BPNT2: variants seen among roughly 807,000 people sequenced by gnomAD.
BPNT2 encodes the protein Golgi-resident adenosine 3',5'-bisphosphate 3'-phosphatase.
In BPNT2, 11 loss-of-function variants were observed where a neutral mutation model predicts 29.3. That is an observed-to-expected ratio of 0.38 (90% CI 0.24 to 0.62). The LOEUF (loss-of-function observed/expected upper bound fraction) is 0.62. BPNT2 is among the 20% of genes least tolerant of loss of function. BPNT2 has a pLI of 0.62. For synonymous variants in BPNT2, 195 were observed against 187.7 expected (o/e 1.04, Z -0.32); for missense variants, 459 against 473.4 (o/e 0.97, Z 0.28).
At chr8:56,984,327 G>A (rs1366729111) in intron 1 of BPNT2, among the ~76,000 whole-genome samples, 3 of 152,158 alleles carry the variant, frequency 2.0e-5, no homozygotes, top group Admixed American at 6.5e-5. Flanking sequence ...ATAACCGGCC[G>A]CAACCACTAC....
rs372306148 is a variant in BPNT2 at position 56,966,243 on chromosome 8, G to T, written c.756C>A (p.Val252=). 1.3e-5 allele frequency: 21 copies of T among 1,613,990 alleles called. No individual in the cohort carries two copies. Among genetic ancestry groups the T allele is most frequent in the Non-Finnish European group, 1.8e-5 (21 of 1,179,992 alleles). ...TCTGGTTTCCAAAAGTCTGAAGAGC[G>T]ACCTGTTTGACCATCCCTGAATGGG... ...SRSHSGMVKQ[V]ALQTFGNQTT... is the part of the protein sequence containing the mutation. The change falls in exon 4 of 5, where the codon GTC becomes GTA. Residue 252 remains valine (V), a synonymous_variant. Transcript: ENST00000262644.
At chr8:56,965,673 T>A (rs932201445) in intron 4 of BPNT2, among the ~76,000 whole-genome samples, 2 of 152,216 alleles carry the variant, frequency 1.3e-5, no homozygotes, top group African/African-American at 4.8e-5. Flanking sequence ...CTAGGTTGAC[T>A]ATAATACAAT....
At position 56,993,098 on chromosome 8, in the gene BPNT2, T is replaced by C. The variant is rs972597312; in HGVS notation, c.387+101A>G. The C allele has an allele frequency of 3.3e-5, 50 of 1,527,900 alleles. No individual in the cohort carries two copies. The African/African-American group carries it at 6.6e-4, about 20-fold the overall frequency. The allele number at this position is 1,527,900 out of a possible 1,614,324, so 94.6% of individuals were successfully genotyped here. A position where few individuals can be genotyped will look rare whatever the true frequency, so the allele number is the denominator to read the frequency against. On this transcript the variant is annotated intron_variant, in intron 1 of 4. Coordinates refer to ENST00000262644, the MANE Select transcript of BPNT2 (RefSeq NM_017813.5). ...ACTTCTGCGTCTCAATTTCCACATCTACAAAATGGAACCAGAAGCTCCACA... is the reference window on the plus strand; with the variant it reads ...ACTTCTGCGTCTCAATTTCCACATCCACAAAATGGAACCAGAAGCTCCACA...
intron 1 of BPNT2, among the ~76,000 whole-genome samples, chr8:56,985,466 C>T (rs895915565): frequency 6.6e-6 from 1 of 152,116 alleles, no homozygotes; most frequent in African/African-American, 2.4e-5. Context: ...ATCCCTGCCC[C>T]CTCCCGACAC....
intron 2 of BPNT2, among the ~76,000 whole-genome samples, chr8:56,979,384 G>A (rs1806202398): frequency 6.6e-6 from 1 of 152,086 alleles, no homozygotes; most frequent in Non-Finnish European, 1.5e-5. Flanking sequence ...CAAATTTCTC[G>A]ATATTCCATA....
rs574570055 is a variant in BPNT2, at chr8:56,992,295, A to G, written c.387+904T>C. Among the ~76,000 whole-genome samples the G allele has an allele frequency of 7.2e-5, 11 of 152,332 alleles. No individual in the cohort carries two copies. In the East Asian group the frequency reaches 1.4e-3, roughly 19 times the overall value. On this transcript the variant is annotated intron_variant, in intron 1 of 4. Coordinates refer to ENST00000262644, the MANE Select transcript of BPNT2 (RefSeq NM_017813.5). ...CTTCCCAGTAGCCAAAACTACAGTT[A>G]GGTGAGTTAAGATATACGTTAATAA...
Position 56,964,024 on chromosome 8 carries a change from ACT to A in BPNT2, c.847_848del (p.Gln284ArgfsTer4), listed in dbSNP as rs1805894822. ...VLALLDVPDK[S>X]QEKADLYIHV... The stretch of plus-strand genomic sequence containing the variant: ...GGATGTATAAATCAGCTTTTTCTTG[ACT>A]CTTATCAGGCACATCCAAAAGTGCT... On this transcript the variant is annotated frameshift_variant, in exon 5 of 5. Coordinates refer to ENST00000262644, the MANE Select transcript of BPNT2 (RefSeq NM_017813.5). LOFTEE classifies it high-confidence loss of function. 1 of 1,606,264 alleles carries A rather than the reference ACT, an allele frequency of 6.2e-7. No homozygotes were observed. The highest frequency in any genetic ancestry group is 1.3e-5 in the African/African-American group (1 of 74,738).
rs562261940 is a variant in BPNT2, at chr8:56,973,663, G to C, written c.646+4387C>G. On this transcript the variant is annotated intron_variant, in intron 3 of 4. Coordinates refer to ENST00000262644, the MANE Select transcript of BPNT2 (RefSeq NM_017813.5). ...AGGATTAACAGAAGACGACTTGATG[G>C]AGATGAGTGCTTCAAACCAGGGCTA... Among the ~76,000 whole-genome samples, 9 of 152,258 alleles carry C rather than the reference G, an allele frequency of 5.9e-5. 1 individual carries two copies. The South Asian group carries it at 1.7e-3, about 28-fold the overall frequency.
At chr8:56,964,427 TA>T (rs1388509315) in intron 4 of BPNT2, 1 of 204,296 alleles carries the variant, frequency 4.9e-6, no homozygotes, top group African/African-American at 2.4e-5. Flanking sequence ...GCCTCCTGAG[TA>T]GCTGGGATTA....
intron 3 of BPNT2, among the ~76,000 whole-genome samples, chr8:56,977,585 T>C (rs573135684): frequency 3.9e-5 from 6 of 152,258 alleles, no homozygotes; most frequent in Non-Finnish European, 5.9e-5. Flanking sequence ...TCCCAGCACC[T>C]TGAAATCTGA....
At chr8:56,968,163 C>T (rs897383564) in intron 3 of BPNT2, among the ~76,000 whole-genome samples, 5 of 151,828 alleles carry the variant, frequency 3.3e-5, no homozygotes, top group African/African-American at 1.2e-4. Flanking sequence ...ATCAACAACT[C>T]AGAAAAGATG....
chr8:56,970,710 T>A (rs182507105), intron 3 of BPNT2, among the ~76,000 whole-genome samples: 1 of 152,204 alleles, frequency 6.6e-6, no homozygotes, highest in Admixed American at 6.5e-5. Context: ...TTTTTAGAGA[T>A]GCATACTGAA....
chr8:56,977,644 T>A (rs1256329496), intron 3 of BPNT2, among the ~76,000 whole-genome samples: 1 of 152,074 alleles, frequency 6.6e-6, no homozygotes, highest in Non-Finnish European at 1.5e-5. Flanking sequence ...TGAGATGAGG[T>A]CACACTAGAG....
intron 1 of BPNT2, among the ~76,000 whole-genome samples, chr8:56,982,087 A>G (rs1274586530): frequency 6.6e-6 from 1 of 151,680 alleles, no homozygotes; most frequent in African/African-American, 2.4e-5. Context: ...AAATACTAAT[A>G]TTCTAGAAAC....
At chr8:56,965,259 C>A (rs535901584) in intron 4 of BPNT2, among the ~76,000 whole-genome samples, 1 of 152,050 alleles carries the variant, frequency 6.6e-6, no homozygotes, top group South Asian at 2.1e-4. Context: ...GCGGAGGTTG[C>A]GATGAGCCTA....
rs1304409565 is a variant in BPNT2, at chr8:56,958,214, AAC to A, written c.*5577_*5578del. ...AATAATCCTTTATTCAATTTAGCTC[AAC>A]ACACATTAAGTACTTAATTTGTGCA... On this transcript the variant is annotated 3_prime_UTR_variant, in exon 5 of 5. Transcript: ENST00000262644. 1 of 152,202 alleles carries A rather than the reference AAC, an allele frequency of 6.6e-6. No individual in the cohort carries two copies. The highest frequency in any genetic ancestry group is 1.5e-5 in the Non-Finnish European group (1 of 68,044). 9.4% of individuals were successfully genotyped at this position (152,202 alleles called of 1,614,324 possible). A position where few individuals can be genotyped will look rare whatever the true frequency, so the allele number is the denominator to read the frequency against.
Position 56,993,550 on chromosome 8 carries a change from C to G in BPNT2, c.36G>C (p.Gly12=), listed in dbSNP as rs1197999194. 2.4e-5 allele frequency: 36 copies of G among 1,483,218 alleles called. No homozygotes were observed. The highest frequency in any genetic ancestry group is 4.6e-5 in the Admixed American group (2 of 43,076). 91.9% of individuals were successfully genotyped at this position (1,483,218 alleles called of 1,614,324 possible). The change falls in exon 1 of 5, where the codon GGG becomes GGC. Residue 12 remains glycine (G), a synonymous_variant. Coordinates refer to ENST00000262644, the MANE Select transcript of BPNT2 (RefSeq NM_017813.5). ...APMGIRLSPL[G]VAVFCLLGLG... is the part of the protein sequence containing the mutation. ...GCCCCAGCAGGCAAAACACTGCCAC[C>G]CCCAGTGGGGAAAGGCGGATGCCCA... is the stretch of plus-strand genomic sequence containing the variant.
chr8:56,993,759 G>T lies in BPNT2; in HGVS notation c.-174C>A. ...CTCCCAGGAAAGGCCGAGTTGCGCC[G>T]CGAAGACCACCAACGCCGCCCCGCG... On this transcript the variant is annotated 5_prime_UTR_variant, in exon 1 of 5. Coordinates refer to ENST00000262644, the MANE Select transcript of BPNT2 (RefSeq NM_017813.5). 1 of 849,232 alleles carries T rather than the reference G, an allele frequency of 1.2e-6. No homozygotes were observed. Among genetic ancestry groups the T allele is most frequent in the Non-Finnish European group, 1.4e-6 (1 of 701,840 alleles). 52.6% of individuals were successfully genotyped at this position (849,232 alleles called of 1,614,324 possible). A position where few individuals can be genotyped will look rare whatever the true frequency, so the allele number is the denominator to read the frequency against.
At chr8:56,979,971 C>T in intron 2 of BPNT2, 64 bp downstream of exon 2, 1 of 1,474,806 alleles carries the variant, frequency 6.8e-7, no homozygotes, top group Non-Finnish European at 9.5e-7. Context: ...AGGAAGTATG[C>T]CTTGGTTCTG....
Sources: allele counts gnomAD v4.1 joint callset (sites outside exome capture counted in the v4.1 genomes callset), GRCh38; gene constraint gnomAD v4.1.1; transcripts MANE v1.5; gene names NCBI Gene and HGNC (gene_info 2026-07-23, HGNC 2026-07-21).